The following IQUB variants were observed in gnomAD, a reference collection of about 807,000 sequenced individuals.
IQUB encodes IQ motif and ubiquitin-like domain-containing protein.
Under a neutral mutation model 86.4 loss-of-function variants are expected in IQUB, and 86 were observed. The observed-to-expected ratio is 1.00, with a 90% CI of 0.84 to 1.19. IQUB has a LOEUF of 1.19. Ranked by LOEUF, IQUB falls within the 50% of genes most tolerant of loss-of-function variation. The pLI is 0.00. For missense variants in IQUB, 946 were observed against 916.9 expected (o/e 1.03, Z -0.41); for synonymous variants, 289 against 304.5 (o/e 0.95, Z 0.53).
At chr7:123,472,251 AAAAAG>A (rs1488155022) in intron 8 of IQUB, among the ~76,000 whole-genome samples, 71 of 152,210 alleles carry the variant, frequency 4.7e-4, no homozygotes, top group African/African-American at 1.6e-3. Context: ...AAAAAAAAGA[AAAAAG>A]AAAAGAAAAG....
At chr7:123,506,870 C>T (rs1796202269) in intron 3 of IQUB, among the ~76,000 whole-genome samples, 1 of 152,100 alleles carries the variant, frequency 6.6e-6, no homozygotes, top group South Asian at 2.1e-4. Context: ...AAAAAGTATA[C>T]ATTGCTTAAT....
At chr7:123,526,555 A>G (rs1797220470) in intron 1 of IQUB, among the ~76,000 whole-genome samples, 1 of 151,276 alleles carries the variant, frequency 6.6e-6, no homozygotes, top group South Asian at 2.1e-4. Flanking sequence ...TGCTTGGTAG[A>G]TCTTCCTCCA....
intron 1 of IQUB, among the ~76,000 whole-genome samples, chr7:123,523,421 T>C (rs892491063): frequency 4.6e-5 from 7 of 151,862 alleles, no homozygotes; most frequent in Admixed American, 3.9e-4. Context: ...GATATCTCAT[T>C]GTGGTTTTGA....
chr7:123,458,954 A>G (rs1034216402), intron 11 of IQUB, among the ~76,000 whole-genome samples: 5 of 151,976 alleles, frequency 3.3e-5, no homozygotes, highest in Non-Finnish European at 7.4e-5. Flanking sequence ...TCATGTTCAC[A>G]TTTAACATAT....
In IQUB at chr7:123,496,881, C is replaced by T. The variant is rs1795728959; in HGVS notation, c.1049G>A (p.Arg350Lys). Reference sequence around the variant, plus strand: ...TACGAAGATTTTAGCATGCCATTGCCTGTAGTAAGTCTGTATCACTATCAC... The same window carrying T: ...TACGAAGATTTTAGCATGCCATTGCTTGTAGTAAGTCTGTATCACTATCAC... ...KAVIVIQTYY[R>K]QWHAKIFVEN... is the part of the protein sequence containing the mutation. Residue 350 changes from arginine (R) to lysine (K), a missense_variant, in exon 7 of 13, where the codon AGG becomes AAG. By Grantham distance (26) the Arg-to-Lys change is conservative (BLOSUM62 2). Transcript: ENST00000324698. 8 of 1,611,214 alleles carry T rather than the reference C, an allele frequency of 5.0e-6. No individual in the cohort carries two copies. The highest frequency in any genetic ancestry group is 6.8e-6 in the Non-Finnish European group (8 of 1,178,768).
chr7:123,516,375 G>A (rs918924217), intron 1 of IQUB, among the ~76,000 whole-genome samples: 5 of 152,120 alleles, frequency 3.3e-5, no homozygotes, highest in East Asian at 1.9e-4. Context: ...TATCTGTTGT[G>A]GGGGTGAAAA....
At chr7:123,502,805 G>A (rs1796007462) in intron 5 of IQUB, 53 bp from the exon 6 acceptor site, 2 of 1,440,076 alleles carry the variant, frequency 1.4e-6, no homozygotes, top group African/African-American at 2.9e-5. Flanking sequence ...ATATACATAA[G>A]GGAGTTTTTC....
At chr7:123,521,681 C>CACACACACAGAG (rs533866528) in intron 1 of IQUB, among the ~76,000 whole-genome samples, 114 of 151,134 alleles carry the variant, frequency 7.5e-4, no homozygotes, top group African/African-American at 2.5e-3. Flanking sequence ...CACACACACA[C>CACACACACAGAG]AGAGATCACA....
At chr7:123,461,693 A>G (rs1459031895) in intron 10 of IQUB, 88 bp from the exon 11 acceptor site, 5 of 1,136,638 alleles carry the variant, frequency 4.4e-6, no homozygotes, top group Non-Finnish European at 5.9e-6. Context: ...ATCAAAGGCT[A>G]ACTTACTTAT....
At chr7:123,474,170 A>G (rs953760144) in intron 8 of IQUB, among the ~76,000 whole-genome samples, 1 of 152,242 alleles carries the variant, frequency 6.6e-6, no homozygotes, top group Admixed American at 6.5e-5. Flanking sequence ...TGAAACTAAA[A>G]TATAAAATTG....
At chr7:123,490,847 C>G (rs890203922) in intron 7 of IQUB, among the ~76,000 whole-genome samples, 2 of 151,876 alleles carry the variant, frequency 1.3e-5, no homozygotes, top group African/African-American at 4.8e-5. Context: ...GCCTGTAATC[C>G]CAGCTACTCA....
intron 1 of IQUB, among the ~76,000 whole-genome samples, chr7:123,517,547 AAAAAAAAAAAG>A (rs1796701429): frequency 6.7e-6 from 1 of 149,914 alleles, no homozygotes; most frequent in South Asian, 2.1e-4. Context: ...AAAAAAAAAA[AAAAAAAAAAAG>A]AAAGAGACCC....
intron 8 of IQUB, among the ~76,000 whole-genome samples, chr7:123,471,968 T>C (rs1486488818): frequency 6.6e-6 from 1 of 152,144 alleles, no homozygotes; most frequent in East Asian, 1.9e-4. Flanking sequence ...CCGGACACGG[T>C]GGCTCACACC....
At chr7:123,492,117 C>T (rs1795498713) in intron 7 of IQUB, among the ~76,000 whole-genome samples, 1 of 152,164 alleles carries the variant, frequency 6.6e-6, no homozygotes, top group African/African-American at 2.4e-5. Context: ...AACAAACCAT[C>T]CCCAGACACT....
Position 123,452,853 on chromosome 7 carries a change from G to A in IQUB, c.2266C>T (p.Pro756Ser). The A allele has an allele frequency of 1.9e-6, 3 of 1,613,486 alleles. No individual in the cohort carries two copies. The highest frequency in any genetic ancestry group is 1.7e-6 in the Non-Finnish European group (2 of 1,179,596). Residue 756 changes from proline (P) to serine (S), a missense_variant, in exon 13 of 13, where the codon CCA becomes TCA. Transcript: ENST00000324698. ...TCAAGTATAAATGAAGCCAGCACTG[G>A]AACCTGAGAAAAATAGTTCTTAGCC... is the stretch of plus-strand genomic sequence containing the variant. Reference protein sequence around the residue: ...ILAKNYFSQVPVLASFILDDG... With the variant: ...ILAKNYFSQVSVLASFILDDG...
chr7:123,513,022 C>T (rs1401079560), intron 1 of IQUB, among the ~76,000 whole-genome samples: 1 of 152,124 alleles, frequency 6.6e-6, no homozygotes, highest in African/African-American at 2.4e-5. Flanking sequence ...TCCAATATAG[C>T]AGGGAGCCCA....
rs776385991 is a variant in IQUB at position 123,452,879 on chromosome 7, A to C, written c.2240T>G (p.Leu747Arg). The change falls in exon 13 of 13, where the codon CTG (leucine) becomes CGG (arginine). Residue 747 changes from leucine to arginine, a missense_variant. Transcript: ENST00000324698. ...FIHKIKHKHI[L>R]AKNYFSQVPV... Reference sequence around the variant, plus strand: ...AACCTGAGAAAAATAGTTCTTAGCCAGGATATGTTTGTGTTTGATCTTGTG... The same window carrying C: ...AACCTGAGAAAAATAGTTCTTAGCCCGGATATGTTTGTGTTTGATCTTGTG... The C allele has an allele frequency of 1.2e-6, 2 of 1,613,502 alleles. No individual in the cohort carries two copies. The highest frequency in any genetic ancestry group is 1.7e-6 in the Non-Finnish European group (2 of 1,179,610).
intron 8 of IQUB, among the ~76,000 whole-genome samples, chr7:123,470,775 T>A (rs1794484198): frequency 1.3e-5 from 2 of 150,260 alleles, no homozygotes; most frequent in Non-Finnish European, 1.5e-5. Context: ...GGCATGAACC[T>A]GGGAGGCGGA....
intron 8 of IQUB, among the ~76,000 whole-genome samples, chr7:123,478,769 TA>T (rs1794862668): frequency 6.6e-6 from 1 of 152,060 alleles, no homozygotes; most frequent in Non-Finnish European, 1.5e-5. Flanking sequence ...TGAAATTTCA[TA>T]CAGATAGGTT....
Sources: allele counts gnomAD v4.1 joint callset (sites outside exome capture counted in the v4.1 genomes callset), GRCh38; gene constraint gnomAD v4.1.1; transcripts MANE v1.5; gene names NCBI Gene and HGNC (gene_info 2026-07-23, HGNC 2026-07-21).